HECW1: variants seen among roughly 807,000 people sequenced by gnomAD.
HECW1 encodes the protein HECT, C2 and WW domain containing E3 ubiquitin protein ligase 1, also known as E3 ubiquitin-protein ligase HECW1.
HECW1 carries 61 observed loss-of-function variants against 182.3 expected under a neutral mutation model. That is an observed-to-expected ratio of 0.33 (90% CI 0.27 to 0.41). The LOEUF (loss-of-function observed/expected upper bound fraction) is 0.41. Among genes scored for constraint, HECW1 ranks in the 10% least tolerant of loss-of-function variants. The pLI, the probability that HECW1 is intolerant of heterozygous loss-of-function variation, is 1.00. For missense variants in HECW1, 1,739 were observed against 2,108.9 expected (o/e 0.82, Z 3.44); for synonymous variants, 859 against 832.6 (o/e 1.03, Z -0.55).
In HECW1 at chr7:43,378,695, A is replaced by T. The variant is rs530977448; in HGVS notation, c.555+17715A>T. Among the ~76,000 whole-genome samples, 7 of 152,256 alleles carry T rather than the reference A, an allele frequency of 4.6e-5. No individual in the cohort carries two copies. In the South Asian group the frequency reaches 1.2e-3, roughly 27 times the overall value. On this transcript the variant is annotated intron_variant, in intron 6 of 29. Transcript: ENST00000395891. Reference sequence around the variant, plus strand: ...GTGGTGTGCACCTGTAATCCCAGCTACTCAGGAGGCTGAGGCATGAGAATA... The same window carrying T: ...GTGGTGTGCACCTGTAATCCCAGCTTCTCAGGAGGCTGAGGCATGAGAATA...
chr7:43,277,590 G>A (rs1422513552), intron 3 of HECW1, among the ~76,000 whole-genome samples: 2 of 152,134 alleles, frequency 1.3e-5, no homozygotes, highest in Non-Finnish European at 2.9e-5. Flanking sequence ...TGTCTTTCCA[G>A]CAGCTTCTCT....
chr7:43,386,831 T>C (rs777691470), intron 6 of HECW1, among the ~76,000 whole-genome samples: 4 of 152,056 alleles, frequency 2.6e-5, no homozygotes, highest in Non-Finnish European at 4.4e-5. Flanking sequence ...CGCACTGTGC[T>C]TTTATTTTTT....
Position 43,445,268 on chromosome 7 carries a change from G to C in HECW1, c.2096G>C (p.Ser699Thr). ...TCCTGCTACAGCAGCTCGTGCTACAGCGCCTCGTGCTACAGCCCCTCCTGC... is the reference window on the plus strand; with the variant it reads ...TCCTGCTACAGCAGCTCGTGCTACACCGCCTCGTGCTACAGCCCCTCCTGC... The part of the protein sequence containing the change: ...STSCYSSSCY[S>T]ASCYSPSCYN... Residue 699 changes from serine to threonine, a missense_variant, in exon 11 of 30, where the codon AGC becomes ACC. By Grantham distance (58) the Ser-to-Thr change is moderately conservative. Coordinates refer to ENST00000395891, the MANE Select transcript of HECW1 (RefSeq NM_015052.5). 6.2e-7 allele frequency: 1 copy of C among 1,612,850 alleles called. No homozygotes were observed. The highest frequency in any genetic ancestry group is 8.5e-7 in the Non-Finnish European group (1 of 1,179,184).
intron 8 of HECW1, among the ~76,000 whole-genome samples, chr7:43,437,438 A>C (rs1418586950): frequency 6.6e-6 from 1 of 152,214 alleles, no homozygotes; most frequent in Non-Finnish European, 1.5e-5. Flanking sequence ...CCAGAAGGAA[A>C]ATCTCTAAAA....
intron 5 of HECW1, among the ~76,000 whole-genome samples, chr7:43,337,013 A>C (rs1031873652): frequency 6.6e-6 from 1 of 152,192 alleles, no homozygotes; most frequent in East Asian, 1.9e-4. Context: ...ATAGGAGTGC[A>C]GATGTCTTTT....
chr7:43,326,914 C>A (rs1810867377), intron 5 of HECW1, among the ~76,000 whole-genome samples: 1 of 152,226 alleles, frequency 6.6e-6, no homozygotes, highest in East Asian at 1.9e-4. Context: ...ACCAGAGGCA[C>A]CAGCACCAAG....
At chr7:43,275,427 G>A (rs570467802) in intron 3 of HECW1, among the ~76,000 whole-genome samples, 15 of 152,234 alleles carry the variant, frequency 9.9e-5, no homozygotes, top group African/African-American at 3.4e-4. Context: ...TTATCTTGGG[G>A]TGATGACGCT....
chr7:43,304,224 C>G (rs1807237275), intron 3 of HECW1, among the ~76,000 whole-genome samples: 1 of 152,076 alleles, frequency 6.6e-6, no homozygotes, highest in South Asian at 2.1e-4. Flanking sequence ...CCCTCCAACC[C>G]AGGCCATCCC....
chr7:43,483,801 G>A (rs868597700), intron 17 of HECW1, among the ~76,000 whole-genome samples: 6 of 151,952 alleles, frequency 3.9e-5, no homozygotes, highest in Admixed American at 1.3e-4. Context: ...TGCCTGCCTC[G>A]GCCTCCCAAA....
chr7:43,534,123 T>C (rs1482480697), intron 24 of HECW1, among the ~76,000 whole-genome samples: 1 of 152,204 alleles, frequency 6.6e-6, no homozygotes, highest in Non-Finnish European at 1.5e-5. Context: ...AATTTTTATA[T>C]CACTTTCGTA....
chr7:43,282,283 C>A (rs1804014938), intron 3 of HECW1, among the ~76,000 whole-genome samples: 1 of 152,178 alleles, frequency 6.6e-6, no homozygotes, highest in South Asian at 2.1e-4. Flanking sequence ...GGTGGCAGGA[C>A]AAGGCAAGGG....
chr7:43,277,129 G>T (rs995426628), intron 3 of HECW1, among the ~76,000 whole-genome samples: 2 of 152,118 alleles, frequency 1.3e-5, no homozygotes, highest in African/African-American at 4.8e-5. Flanking sequence ...ATGTGAAAGA[G>T]AAATCAGTTC....
chr7:43,345,799 TACACACAC>T lies in HECW1; in HGVS notation c.461-15065_461-15058del, dbSNP rs58255657. On this transcript the variant is annotated intron_variant, in intron 5 of 29. Transcript: ENST00000395891. ...GTTGTGTAGTATTCCATCATATATA[TACACACAC>T]ACACACACACACACACACACATCAT... Among the ~76,000 whole-genome samples the T allele has an allele frequency of 4.6e-3, 691 of 150,766 alleles. 3 individuals are homozygous for T. Among genetic ancestry groups the T allele is most frequent in the African/African-American group, 0.015 (629 of 41,064 alleles).
At chr7:43,491,262 CTT>C (rs2078923733) in intron 17 of HECW1, among the ~76,000 whole-genome samples, 1 of 152,162 alleles carries the variant, frequency 6.6e-6, no homozygotes, top group African/African-American at 2.4e-5. Flanking sequence ...CCTGGGGAAA[CTT>C]TACTTTTCCT....
intron 8 of HECW1, among the ~76,000 whole-genome samples, chr7:43,428,051 AG>A (rs1479790426): frequency 6.6e-6 from 1 of 152,172 alleles, no homozygotes; most frequent in Non-Finnish European, 1.5e-5. Flanking sequence ...ACCTAGTGGA[AG>A]GGGATTATAC....
intron 20 of HECW1, 147 bp from the exon 21 acceptor site, chr7:43,501,066 A>G: frequency 1.6e-6 from 1 of 610,056 alleles, no homozygotes; most frequent in Non-Finnish European, 2.9e-6. Context: ...GCATGTACCT[A>G]TCTTTCTGTA....
chr7:43,545,897 C>T (rs1028504921), intron 26 of HECW1, among the ~76,000 whole-genome samples: 1 of 151,856 alleles, frequency 6.6e-6, no homozygotes, highest in Non-Finnish European at 1.5e-5. Context: ...TAATTTCTGT[C>T]GTTTTTGCTT....
At position 43,169,814 on chromosome 7, in the gene HECW1, G is replaced by A. The variant is rs543239835; in HGVS notation, c.-32+55423G>A. On this transcript the variant is annotated intron_variant, in intron 2 of 29. Coordinates refer to ENST00000395891, the MANE Select transcript of HECW1 (RefSeq NM_015052.5). The stretch of plus-strand genomic sequence containing the variant: ...CGCCATTCTCCTGCCTCAGCCTCCC[G>A]ATCTTTGTATCTTAAACACATCTCA... Among the ~76,000 whole-genome samples the A allele has an allele frequency of 6.7e-5, 10 of 149,982 alleles. No homozygotes were observed. In the South Asian group the frequency reaches 1.5e-3, roughly 22 times the overall value.
chr7:43,205,453 A>G (rs1264133205), intron 2 of HECW1, among the ~76,000 whole-genome samples: 1 of 152,138 alleles, frequency 6.6e-6, no homozygotes, highest in Non-Finnish European at 1.5e-5. Flanking sequence ...GAACTATGCT[A>G]GTGTTTATTC....
Sources: gnomAD v4.1 joint callset for allele counts (sites outside exome capture counted in the v4.1 genomes callset) on GRCh38, gnomAD v4.1.1 for gene constraint, MANE v1.5 for transcripts, NCBI Gene and HGNC (gene_info 2026-07-23, HGNC 2026-07-21) for gene names.